ENOX1: variants seen among roughly 807,000 people sequenced by gnomAD.
The protein encoded by ENOX1 is ecto-NOX disulfide-thiol exchanger 1.
In ENOX1, 42 loss-of-function variants were observed where a neutral mutation model predicts 82.5. The observed-to-expected ratio is 0.51, with a 90% CI of 0.40 to 0.66. ENOX1 has a LOEUF of 0.66. Ranked by LOEUF, ENOX1 falls within the 30% of genes least tolerant of loss-of-function variation. ENOX1 has a pLI of 0.00. For synonymous variants in ENOX1, 271 were observed against 282.2 expected, an observed-to-expected ratio of 0.96 and a Z score of 0.40; for missense variants, 608 against 811.6, an observed-to-expected ratio of 0.75 and a Z score of 3.05.
intron 3 of ENOX1, among the ~76,000 whole-genome samples, chr13:43,436,074 T>G (rs1273080381): frequency 6.6e-6 from 1 of 152,226 alleles, no homozygotes; most frequent in Non-Finnish European, 1.5e-5. Context: ...CTTTACTATT[T>G]TACATTTAAG....
At chr13:43,214,267 A>ATTC (rs1034739091) in intron 16 of ENOX1, 146 bp from the exon 17 acceptor site, 7 of 822,354 alleles carry the variant, frequency 8.5e-6, no homozygotes, top group Non-Finnish European at 1.3e-5. Flanking sequence ...TAGAAGGAAC[A>ATTC]TTCAGAAGTA....
At chr13:43,384,934 G>C (rs1385229823) in intron 5 of ENOX1, among the ~76,000 whole-genome samples, 1 of 152,094 alleles carries the variant, frequency 6.6e-6, no homozygotes, top group Non-Finnish European at 1.5e-5. Context: ...TAGGTACCCT[G>C]ATTCAAACAA....
At chr13:43,286,081 G>A (rs2045686647) in intron 12 of ENOX1, among the ~76,000 whole-genome samples, 2 of 152,258 alleles carry the variant, frequency 1.3e-5, no homozygotes, top group Admixed American at 6.5e-5. Context: ...CAGGACACCT[G>A]CTATAGACAG....
intron 3 of ENOX1, among the ~76,000 whole-genome samples, chr13:43,424,721 C>T (rs2055184547): frequency 6.6e-6 from 1 of 152,184 alleles, no homozygotes; most frequent in African/African-American, 2.4e-5. Flanking sequence ...AATGACCACC[C>T]ATAGCCCTTG....
intron 2 of ENOX1, among the ~76,000 whole-genome samples, chr13:43,507,052 A>G (rs2077199336): frequency 6.6e-6 from 1 of 152,038 alleles, no homozygotes; most frequent in African/African-American, 2.4e-5. Flanking sequence ...CTAAAAACAT[A>G]AAGAAGATTT....
chr13:43,758,504 TAGA>T (rs1166314600), intron 1 of ENOX1, among the ~76,000 whole-genome samples: 9 of 152,184 alleles, frequency 5.9e-5, no homozygotes, highest in Non-Finnish European at 1.0e-4. Flanking sequence ...TGGATGTGCA[TAGA>T]AGGCCAGCAT....
intron 1 of ENOX1, among the ~76,000 whole-genome samples, chr13:43,679,549 T>C (rs2085681563): frequency 6.6e-6 from 1 of 152,232 alleles, no homozygotes; most frequent in Non-Finnish European, 1.5e-5. Context: ...TATTTGGAGA[T>C]AAAAACTATT....
At chr13:43,517,848 T>C (rs1232374794) in intron 2 of ENOX1, among the ~76,000 whole-genome samples, 1 of 152,154 alleles carries the variant, frequency 6.6e-6, no homozygotes, top group Non-Finnish European at 1.5e-5. Flanking sequence ...CCTTCCACCA[T>C]GCAAGGACAC....
At chr13:43,690,820 T>A (rs1227308877) in intron 1 of ENOX1, among the ~76,000 whole-genome samples, 2 of 152,196 alleles carry the variant, frequency 1.3e-5, no homozygotes, top group African/African-American at 4.8e-5. Context: ...TGTATGAAAC[T>A]GAGAAACCAC....
At chr13:43,382,614 G>A (rs1473468436) in intron 5 of ENOX1, among the ~76,000 whole-genome samples, 1 of 152,096 alleles carries the variant, frequency 6.6e-6, no homozygotes, top group Non-Finnish European at 1.5e-5. Flanking sequence ...TCAGGATGGG[G>A]ATGAGTAAGA....
intron 1 of ENOX1, among the ~76,000 whole-genome samples, chr13:43,761,982 C>T (rs1436269579): frequency 6.6e-6 from 1 of 152,100 alleles, no homozygotes; most frequent in African/African-American, 2.4e-5. Flanking sequence ...AACCATATGT[C>T]CTATAAAACT....
At chr13:43,506,165 T>C (rs917188462) in intron 2 of ENOX1, among the ~76,000 whole-genome samples, 1 of 152,032 alleles carries the variant, frequency 6.6e-6, no homozygotes, top group African/African-American at 2.4e-5. Flanking sequence ...TCTTGTAGTA[T>C]AGTTTGAAGT....
chr13:43,469,884 C>A (rs1443603423), intron 3 of ENOX1, among the ~76,000 whole-genome samples: 2 of 151,664 alleles, frequency 1.3e-5, no homozygotes, highest in African/African-American at 4.8e-5. Flanking sequence ...TACTATAAAG[C>A]TACAGAAATC....
intron 2 of ENOX1, among the ~76,000 whole-genome samples, chr13:43,569,944 T>G (rs1393194613): frequency 2.0e-5 from 3 of 152,206 alleles, no homozygotes; most frequent in Non-Finnish European, 4.4e-5. Context: ...CCATAAATAT[T>G]TCTATAGTTG....
At chr13:43,350,861 G>A (rs1998612) in intron 8 of ENOX1, among the ~76,000 whole-genome samples, 1 of 152,094 alleles carries the variant, frequency 6.6e-6, no homozygotes, top group Admixed American at 6.5e-5. Context: ...GTGGGCTATA[G>A]TATCCTTATT....
chr13:43,500,219 G>A (rs1050917101), intron 2 of ENOX1, among the ~76,000 whole-genome samples: 1 of 152,192 alleles, frequency 6.6e-6, no homozygotes, highest in Admixed American at 6.6e-5. Context: ...TTTAAAACCT[G>A]AAGACGGAAA....
At chr13:43,303,049 C>A (rs1162677268) in intron 11 of ENOX1, among the ~76,000 whole-genome samples, 2 of 152,148 alleles carry the variant, frequency 1.3e-5, no homozygotes, top group African/African-American at 4.8e-5. Flanking sequence ...TTTAACATTC[C>A]CCCTCCACTT....
At chr13:43,277,913 T>C in intron 12 of ENOX1, among the ~76,000 whole-genome samples, 1 of 152,182 alleles carries the variant, frequency 6.6e-6, no homozygotes, top group East Asian at 1.9e-4. Context: ...CAGGAAGCCA[T>C]CTGAGATACA....
chr13:43,427,082 A>G (rs756745781), intron 3 of ENOX1, among the ~76,000 whole-genome samples: 1 of 152,208 alleles, frequency 6.6e-6, no homozygotes, highest in Non-Finnish European at 1.5e-5. Flanking sequence ...CTGAGAGTAA[A>G]TATCAATATA....
Sources: allele counts gnomAD v4.1 joint callset (sites outside exome capture counted in the v4.1 genomes callset), GRCh38; gene constraint gnomAD v4.1.1; transcripts MANE v1.5; gene names NCBI Gene and HGNC (gene_info 2026-07-23, HGNC 2026-07-21).